The following DDHD1 variants were observed in gnomAD, a reference collection of about 807,000 sequenced individuals.
The protein encoded by DDHD1 is DDHD domain containing 1, also known as phospholipase DDHD1.
A neutral mutation model predicts 96.4 loss-of-function variants in DDHD1; 49 were observed. The observed-to-expected ratio is 0.51, with a 90% CI of 0.40 to 0.64. The LOEUF (loss-of-function observed/expected upper bound fraction) is 0.64. DDHD1 is among the 30% of genes least tolerant of loss of function. The pLI is 0.00. For synonymous variants in DDHD1, 442 were observed against 446.5 expected (o/e 0.99, Z 0.13); for missense variants, 1,106 against 1,161.2 (o/e 0.95, Z 0.69).
intron 1 of DDHD1, among the ~76,000 whole-genome samples, chr14:53,112,967 T>C (rs1888220827): frequency 6.6e-6 from 1 of 152,042 alleles, no homozygotes; most frequent in Non-Finnish European, 1.5e-5. Flanking sequence ...TTCACTTTTT[T>C]TTTGTTTTTT....
intron 2 of DDHD1, among the ~76,000 whole-genome samples, chr14:53,102,112 A>C (rs1312629356): frequency 6.6e-6 from 1 of 151,976 alleles, no homozygotes; most frequent in Non-Finnish European, 1.5e-5. Flanking sequence ...AACAGAAGGA[A>C]AAAAAAATCT....
At chr14:53,061,522 CTCTT>C (rs1883554671) in intron 7 of DDHD1, among the ~76,000 whole-genome samples, 1 of 152,112 alleles carries the variant, frequency 6.6e-6, no homozygotes. Flanking sequence ...ATACTGTTCT[CTCTT>C]TTCTATACTT....
chr14:53,103,852 A>G lies in DDHD1; in HGVS notation c.843T>C (p.Ala281=), dbSNP rs575954806. Residue 281 remains alanine, a synonymous_variant, in exon 2 of 13, where the codon GCT becomes GCC. Transcript: ENST00000673822. Reference sequence around the variant, plus strand: ...GTCCACGCATTACTGGTATTTTATCAGCCTCTGAAAAAGAGAAATCACAGA... The same window carrying G: ...GTCCACGCATTACTGGTATTTTATCGGCCTCTGAAAAAGAGAAATCACAGA... ...GECYPVYWNQ[A]DKIPVMRGQW... The G allele has an allele frequency of 1.3e-6, 2 of 1,590,120 alleles. No homozygotes were observed. Among genetic ancestry groups the G allele is most frequent in the African/African-American group, 1.4e-5 (1 of 73,398 alleles).
intron 1 of DDHD1, among the ~76,000 whole-genome samples, chr14:53,141,094 G>C (rs1890609909): frequency 6.6e-6 from 1 of 152,168 alleles, no homozygotes; most frequent in South Asian, 2.1e-4. Context: ...ACTTTATCCA[G>C]GCTAACTATA....
rs1566616209 is a variant in DDHD1, at chr14:53,152,766, G to GCCGCCT, written c.332_333insAGGCGG (p.Gly111_Gly112dup). The GCCGCCT allele has an allele frequency of 6.2e-7, 1 of 1,600,918 alleles. No homozygotes were observed. The highest frequency in any genetic ancestry group is 1.1e-5 in the South Asian group (1 of 90,232). ...GCGGGTGCAGCGACAAGGAGCTGCC[G>GCCGCCT]CCGCCGCCGCTCTCACCCTCGCTGT... is the stretch of plus-strand genomic sequence containing the variant. On this transcript the variant is annotated inframe_insertion, in exon 1 of 13. Transcript: ENST00000673822.
intron 1 of DDHD1, among the ~76,000 whole-genome samples, chr14:53,114,744 T>C (rs947234561): frequency 5.3e-5 from 8 of 152,076 alleles, no homozygotes; most frequent in African/African-American, 1.2e-4. Flanking sequence ...AGATCAAAGG[T>C]AGATAAATCC....
intron 1 of DDHD1, among the ~76,000 whole-genome samples, chr14:53,113,726 C>A (rs1266627167): frequency 6.6e-6 from 1 of 152,148 alleles, no homozygotes; most frequent in Non-Finnish European, 1.5e-5. Context: ...ATGGTTTTTG[C>A]AATCTGCAGA....
Position 53,086,800 on chromosome 14 carries a change from A to G in DDHD1, c.1289+4985T>C, listed in dbSNP as rs180739072. On this transcript the variant is annotated intron_variant, in intron 4 of 12. Coordinates refer to ENST00000673822, the MANE Select transcript of DDHD1 (RefSeq NM_001160148.2). The stretch of plus-strand genomic sequence containing the variant: ...TGACAGGATCAAATTCACACATAAC[A>G]ATATTAACCTTAACTGTAAATGGGC... 1.2e-4 allele frequency among the ~76,000 whole-genome samples: 18 copies of G among 152,230 alleles called. No homozygotes were observed. The East Asian group carries it at 2.7e-3, about 23-fold the overall frequency.
At chr14:53,070,635 CTA>C (rs1381778230) in intron 6 of DDHD1, among the ~76,000 whole-genome samples, 1 of 152,082 alleles carries the variant, frequency 6.6e-6, no homozygotes, top group Non-Finnish European at 1.5e-5. Flanking sequence ...TTTGCCAAAT[CTA>C]TGTCATTTTA....
chr14:53,051,443 T>A (rs1314890836), intron 12 of DDHD1, among the ~76,000 whole-genome samples: 2 of 151,964 alleles, frequency 1.3e-5, no homozygotes, highest in Non-Finnish European at 2.9e-5. Context: ...GTAAATTTAC[T>A]GATACCTGAA....
rs917216098 is a variant in DDHD1, at chr14:53,046,179, C to T, written c.*589G>A. ...ATTATGTTCAAAGCAAACATTAAAA[C>T]AGTAATGTCTCATACACTGAAATAA... is the stretch of plus-strand genomic sequence containing the variant. On this transcript the variant is annotated 3_prime_UTR_variant, in exon 13 of 13. Coordinates refer to ENST00000673822, the MANE Select transcript of DDHD1 (RefSeq NM_001160148.2). 4.6e-5 allele frequency: 7 copies of T among 152,088 alleles called. No individual in the cohort carries two copies. The highest frequency in any genetic ancestry group is 7.2e-5 in the African/African-American group (3 of 41,430). The allele number at this position is 152,088 out of a possible 1,614,324, so 9.4% of individuals were successfully genotyped here. A position where few individuals can be genotyped will look rare whatever the true frequency, so the allele number is the denominator to read the frequency against.
chr14:53,072,564 A>C, intron 6 of DDHD1, 33 bp downstream of exon 6: 1 of 1,317,956 alleles, frequency 7.6e-7, no homozygotes, highest in East Asian at 2.4e-5. Flanking sequence ...ATCACTAAAA[A>C]ATACCCACCA....
In DDHD1 at chr14:53,139,685, CAAAACAAAAACA is replaced by C. The variant is rs563784415; in HGVS notation, c.838+12564_838+12575del. On this transcript the variant is annotated intron_variant, in intron 1 of 12. Coordinates refer to ENST00000673822, the MANE Select transcript of DDHD1 (RefSeq NM_001160148.2). Reference sequence around the variant, plus strand: ...TCAGCAACAGAGTGAGACCCTGTCTCAAAACAAAAACAAAAACAAAAACAAAAAAACAAAAAA... The same window carrying C: ...TCAGCAACAGAGTGAGACCCTGTCTCAAAACAAAAACAAAAAAACAAAAAA... 5.9e-5 allele frequency among the ~76,000 whole-genome samples: 9 copies of C among 151,656 alleles called. No homozygotes were observed. The South Asian group carries it at 6.3e-4, about 11-fold the overall frequency.
chr14:53,106,534 C>T (rs1887700202), intron 1 of DDHD1, among the ~76,000 whole-genome samples: 1 of 152,076 alleles, frequency 6.6e-6, no homozygotes, highest in South Asian at 2.1e-4. Context: ...TGGTGCATGC[C>T]TATAATCCCA....
In DDHD1 at chr14:53,107,991, T is replaced by C. The variant is rs140304473; in HGVS notation, c.839-4135A>G. ...AATGATCAGGATATAAACTCAGGCA[T>C]TCAAGCCAGCAACAGCTACCCTCTT... On this transcript the variant is annotated intron_variant, in intron 1 of 12. Coordinates refer to ENST00000673822, the MANE Select transcript of DDHD1 (RefSeq NM_001160148.2). 5.7e-3 allele frequency among the ~76,000 whole-genome samples: 869 copies of C among 152,282 alleles called. 7 individuals are homozygous for C. Among genetic ancestry groups the C allele is most frequent in the African/African-American group, 0.02 (838 of 41,546 alleles).
chr14:53,102,918 G>A (rs567858005), intron 2 of DDHD1: 5 of 1,007,504 alleles, frequency 5.0e-6, no homozygotes, highest in African/African-American at 1.7e-5. Context: ...AGATTCAGTA[G>A]AGCTTGCCAA....
intron 4 of DDHD1, among the ~76,000 whole-genome samples, chr14:53,082,087 T>C (rs1036704288): frequency 1.3e-5 from 2 of 152,176 alleles, no homozygotes; most frequent in Non-Finnish European, 1.5e-5. Context: ...GAAAAAGGAA[T>C]GATTAAACAA....
chr14:53,142,483 C>T (rs1890707951), intron 1 of DDHD1, among the ~76,000 whole-genome samples: 1 of 148,486 alleles, frequency 6.7e-6, no homozygotes, highest in South Asian at 2.1e-4. Context: ...AAAACAGGAA[C>T]ATTACTGGCT....
chr14:53,065,417 AAAG>A (rs904573678), intron 6 of DDHD1, among the ~76,000 whole-genome samples: 1 of 152,218 alleles, frequency 6.6e-6, no homozygotes, highest in African/African-American at 2.4e-5. Context: ...AAGCTATTAA[AAAG>A]AGAGTTCAGA....
Sources: allele counts gnomAD v4.1 joint callset (sites outside exome capture counted in the v4.1 genomes callset), GRCh38; gene constraint gnomAD v4.1.1; transcripts MANE v1.5; gene names NCBI Gene and HGNC (gene_info 2026-07-23, HGNC 2026-07-21).